The following KCNH8 variants were observed in gnomAD, a reference collection of about 807,000 sequenced individuals.
KCNH8 encodes the protein potassium voltage-gated channel subfamily H member 8, also known as voltage-gated delayed rectifier potassium channel KCNH8.
KCNH8 carries 70 observed loss-of-function variants against 103.6 expected under a neutral mutation model. The observed-to-expected ratio is 0.68, with a 90% confidence interval of 0.56 to 0.82. KCNH8 has a LOEUF of 0.82. KCNH8 is among the 40% of genes least tolerant of loss of function. The pLI is 0.00. For synonymous variants in KCNH8, 498 were observed against 489.4 expected, an observed-to-expected ratio of 1.02 and a Z score of -0.23; for missense variants, 1,217 against 1,329.9, an observed-to-expected ratio of 0.92 and a Z score of 1.32.
At chr3:19,246,284 T>G (rs1299999672) in intron 1 of KCNH8, among the ~76,000 whole-genome samples, 1 of 143,474 alleles carries the variant, frequency 7.0e-6, no homozygotes, top group Non-Finnish European at 1.5e-5. Context: ...GTTTTTTTTT[T>G]TTTTTTTTTT....
intron 3 of KCNH8, among the ~76,000 whole-genome samples, chr3:19,307,080 A>G (rs527883756): frequency 6.6e-6 from 1 of 152,106 alleles, no homozygotes; most frequent in Non-Finnish European, 1.5e-5. Flanking sequence ...ATCTACAGCC[A>G]ACTGATTTTT....
chr3:19,201,362 T>G, intron 1 of KCNH8, among the ~76,000 whole-genome samples: 1 of 151,752 alleles, frequency 6.6e-6, no homozygotes, highest in Non-Finnish European at 1.5e-5. Context: ...CATTGTCATC[T>G]AGATGTTTTC....
At chr3:19,419,221 A>G (rs1256895380) in intron 7 of KCNH8, among the ~76,000 whole-genome samples, 1 of 111,884 alleles carries the variant, frequency 8.9e-6, no homozygotes, top group East Asian at 3.1e-4. Context: ...TTTTTTTGAG[A>G]CGGAGTCTCG....
At chr3:19,501,590 G>A (rs1419401213) in intron 11 of KCNH8, among the ~76,000 whole-genome samples, 1 of 152,152 alleles carries the variant, frequency 6.6e-6, no homozygotes, top group Non-Finnish European at 1.5e-5. Flanking sequence ...GATCAAGTGG[G>A]CTTCATCCCT....
At chr3:19,497,317 G>C (rs1370818635) in intron 11 of KCNH8, among the ~76,000 whole-genome samples, 2 of 151,992 alleles carry the variant, frequency 1.3e-5, no homozygotes, top group Non-Finnish European at 1.5e-5. Context: ...TGCTTCTCTA[G>C]TTCCTCTAGT....
chr3:19,347,605 T>C, intron 4 of KCNH8, 120 bp from the exon 5 acceptor site: 1 of 1,196,948 alleles, frequency 8.4e-7, no homozygotes, highest in South Asian at 1.5e-5. Context: ...AAAAGTCACT[T>C]GTAAGATACT....
intron 5 of KCNH8, among the ~76,000 whole-genome samples, chr3:19,362,678 G>T (rs111414377): frequency 2.6e-5 from 4 of 152,016 alleles, no homozygotes; most frequent in African/African-American, 9.7e-5. Context: ...TTGTTTGTTT[G>T]TTTGAGACAA....
intron 7 of KCNH8, among the ~76,000 whole-genome samples, chr3:19,408,893 A>T (rs1451274018): frequency 6.6e-6 from 1 of 152,186 alleles, no homozygotes; most frequent in Non-Finnish European, 1.5e-5. Context: ...CCTACAAATT[A>T]CTGGCATTCC....
At chr3:19,273,661 A>T (rs1303975881) in intron 2 of KCNH8, among the ~76,000 whole-genome samples, 1 of 152,188 alleles carries the variant, frequency 6.6e-6, no homozygotes, top group Admixed American at 6.5e-5. Context: ...AGCTTTGTGA[A>T]TGAGGTCAGA....
At chr3:19,482,745 A>T (rs1003431241) in intron 11 of KCNH8, among the ~76,000 whole-genome samples, 1 of 152,312 alleles carries the variant, frequency 6.6e-6, no homozygotes, top group East Asian at 1.9e-4. Flanking sequence ...CTTGTCCTTG[A>T]TCATCTATGT....
chr3:19,494,662 T>C (rs150406236), intron 11 of KCNH8, among the ~76,000 whole-genome samples: 24 of 152,322 alleles, frequency 1.6e-4, no homozygotes, highest in African/African-American at 5.5e-4. Context: ...GCAGTGAACA[T>C]ATGCATCCAT....
At chr3:19,178,289 A>G (rs1484058700) in intron 1 of KCNH8, among the ~76,000 whole-genome samples, 1 of 152,064 alleles carries the variant, frequency 6.6e-6, no homozygotes, top group Non-Finnish European at 1.5e-5. Flanking sequence ...TCATTAAAAA[A>G]TTGTGAATAG....
At chr3:19,415,580 G>T (rs554375406) in intron 7 of KCNH8, among the ~76,000 whole-genome samples, 47 of 152,052 alleles carry the variant, frequency 3.1e-4, no homozygotes, top group African/African-American at 1.1e-3. Context: ...AGAGAGCAAT[G>T]AGCAATCAAT....
intron 1 of KCNH8, among the ~76,000 whole-genome samples, chr3:19,206,481 C>A (rs1206850227): frequency 5.3e-5 from 8 of 151,650 alleles, no homozygotes; most frequent in Non-Finnish European, 8.8e-5. Context: ...TTTCAGGAAG[C>A]TTGAAAGACA....
intron 7 of KCNH8, among the ~76,000 whole-genome samples, chr3:19,396,331 C>T (rs1026264195): frequency 3.9e-5 from 6 of 151,998 alleles, no homozygotes; most frequent in Non-Finnish European, 7.4e-5. Context: ...AAATGGCAAT[C>T]TCTCAGCATA....
intron 1 of KCNH8, among the ~76,000 whole-genome samples, chr3:19,153,476 A>G (rs1341894434): frequency 6.6e-6 from 1 of 152,172 alleles, no homozygotes; most frequent in South Asian, 2.1e-4. Context: ...AAGTCTTTAC[A>G]GAAGCATATT....
chr3:19,444,893 G>A (rs917283883), intron 8 of KCNH8, among the ~76,000 whole-genome samples: 2 of 151,976 alleles, frequency 1.3e-5, no homozygotes, highest in African/African-American at 4.8e-5. Context: ...CTATACTGTT[G>A]ATGGGCATGT....
rs548137961 is a variant in KCNH8, at chr3:19,239,026, C to T, written c.77-14628C>T. Among the ~76,000 whole-genome samples the T allele has an allele frequency of 1.2e-4, 19 of 152,148 alleles. No homozygotes were observed. In the East Asian group the frequency reaches 1.5e-3, roughly 12 times the overall value. ...TTTTGATATATTGATTCTTACATCA[C>T]GATTCAAATTGTAGTTATAAAGACA... On this transcript the variant is annotated intron_variant, in intron 1 of 15. Coordinates refer to ENST00000328405, the MANE Select transcript of KCNH8 (RefSeq NM_144633.3).
intron 11 of KCNH8, among the ~76,000 whole-genome samples, chr3:19,504,691 A>C (rs2068656913): frequency 6.6e-6 from 1 of 152,214 alleles, no homozygotes; most frequent in African/African-American, 2.4e-5. Context: ...GATGCTGGAA[A>C]GATTGCAGAG....
Sources: allele counts gnomAD v4.1 joint callset (sites outside exome capture counted in the v4.1 genomes callset), GRCh38; gene constraint gnomAD v4.1.1; transcripts MANE v1.5; gene names NCBI Gene and HGNC (gene_info 2026-07-23, HGNC 2026-07-21).